ALK: variants seen among roughly 807,000 people sequenced by gnomAD.
The protein encoded by ALK is ALK tyrosine kinase receptor.
ALK carries 74 observed loss-of-function variants against 163.1 expected under a neutral mutation model. That is an observed-to-expected ratio of 0.45 (90% CI 0.38 to 0.55). The LOEUF (loss-of-function observed/expected upper bound fraction) is 0.55, where lower values mean the gene tolerates loss of function less well. Among genes scored for constraint, ALK ranks in the 20% least tolerant of loss-of-function variants. ALK has a pLI of 0.00. For missense variants in ALK, 2,063 were observed against 2,105.3 expected (o/e 0.98, Z 0.39); for synonymous variants, 960 against 843.2 (o/e 1.14, Z -2.40).
At chr2:29,385,816 GA>G (rs1157105197) in intron 4 of ALK, among the ~76,000 whole-genome samples, 1 of 152,196 alleles carries the variant, frequency 6.6e-6, no homozygotes, top group Non-Finnish European at 1.5e-5. Flanking sequence ...TCATTTTAAT[GA>G]TTGCATTTTT....
chr2:29,342,628 C>G (rs1291633536), intron 5 of ALK, among the ~76,000 whole-genome samples: 1 of 152,178 alleles, frequency 6.6e-6, no homozygotes, highest in South Asian at 2.1e-4. Context: ...ACTGATTATC[C>G]TGGCCTTGAA....
At chr2:29,249,841 C>G (rs532777518) in intron 12 of ALK, among the ~76,000 whole-genome samples, 2 of 152,136 alleles carry the variant, frequency 1.3e-5, no homozygotes, top group Non-Finnish European at 2.9e-5. Flanking sequence ...CGGTGTCTTC[C>G]GGGATATTTA....
intron 2 of ALK, among the ~76,000 whole-genome samples, chr2:29,703,370 C>G (rs1422797284): frequency 1.3e-5 from 2 of 152,090 alleles, no homozygotes; most frequent in Non-Finnish European, 2.9e-5. Context: ...CATCAAGTGA[C>G]CTTAATATTG....
chr2:29,221,539 G>A (rs1407661118), intron 22 of ALK, among the ~76,000 whole-genome samples: 1 of 152,150 alleles, frequency 6.6e-6, no homozygotes, highest in South Asian at 2.1e-4. Flanking sequence ...AGTGATATGG[G>A]TCTTCTTCAA....
intron 1 of ALK, among the ~76,000 whole-genome samples, chr2:29,875,602 G>A (rs376934147): frequency 6.6e-6 from 1 of 151,926 alleles, no homozygotes; most frequent in Non-Finnish European, 1.5e-5. Flanking sequence ...CCCCCGACAG[G>A]CCCCGGCGTG....
chr2:29,272,190 G>GAA (rs1665409706), intron 11 of ALK, among the ~76,000 whole-genome samples: 1 of 149,438 alleles, frequency 6.7e-6, no homozygotes, highest in African/African-American at 2.5e-5. Context: ...GTGAGGGAGA[G>GAA]AGAGAGAGAG....
chr2:29,365,454 G>A (rs1338795298), intron 5 of ALK, among the ~76,000 whole-genome samples: 1 of 152,184 alleles, frequency 6.6e-6, no homozygotes, highest in Non-Finnish European at 1.5e-5. Context: ...GGCTGGGCAG[G>A]CAGGTTGGGG....
At chr2:29,468,695 G>GA (rs1246055753) in intron 4 of ALK, among the ~76,000 whole-genome samples, 1 of 147,790 alleles carries the variant, frequency 6.8e-6, no homozygotes, top group Non-Finnish European at 1.5e-5. Flanking sequence ...CAAAAAATTT[G>GA]AAAAAAAATG....
intron 23 of ALK, 56 bp downstream of exon 23, chr2:29,220,650 C>A: frequency 8.7e-6 from 14 of 1,610,986 alleles, no homozygotes; most frequent in Non-Finnish European, 1.2e-5. Flanking sequence ...TTGCTCCTTC[C>A]ATCCTTGCTC....
At position 29,408,721 on chromosome 2, in the gene ALK, T is replaced by G. The variant is rs1464266891; in HGVS notation, c.1155-24862A>C. Among the ~76,000 whole-genome samples, 4 of 152,186 alleles carry G rather than the reference T, an allele frequency of 2.6e-5. No individual in the cohort carries two copies. The East Asian group carries it at 5.8e-4, about 22-fold the overall frequency. On this transcript the variant is annotated intron_variant, in intron 4 of 28. Coordinates refer to ENST00000389048, the MANE Select transcript of ALK (RefSeq NM_004304.5). ...TCTCTGGACTTATTCTTTACATTTTTAGAAAAGTGGGGAATGGGCAGATGA... is the reference window on the plus strand; with the variant it reads ...TCTCTGGACTTATTCTTTACATTTTGAGAAAAGTGGGGAATGGGCAGATGA...
chr2:29,811,028 T>G (rs1192005745), intron 1 of ALK, among the ~76,000 whole-genome samples: 1 of 152,070 alleles, frequency 6.6e-6, no homozygotes. Context: ...TCTAGAACTG[T>G]GAAATCATAA....
chr2:29,676,739 A>G (rs1339949540), intron 3 of ALK, among the ~76,000 whole-genome samples: 1 of 152,084 alleles, frequency 6.6e-6, no homozygotes, highest in African/African-American at 2.4e-5. Flanking sequence ...GAGAAATACC[A>G]TCTTGAAGCT....
intron 1 of ALK, among the ~76,000 whole-genome samples, chr2:29,790,631 T>G (rs531152414): frequency 3.9e-5 from 6 of 152,306 alleles, no homozygotes; most frequent in Admixed American, 3.9e-4. Flanking sequence ...TCACCCAGGC[T>G]GGAATGCAAT....
At chr2:29,816,547 C>T (rs1004030687) in intron 1 of ALK, among the ~76,000 whole-genome samples, 2 of 152,074 alleles carry the variant, frequency 1.3e-5, no homozygotes, top group Admixed American at 6.5e-5. Context: ...ACTAATTATA[C>T]GCTAATAAAA....
intron 4 of ALK, among the ~76,000 whole-genome samples, chr2:29,500,545 TAC>T (rs571399283): frequency 6.6e-6 from 1 of 152,200 alleles, no homozygotes; most frequent in Non-Finnish European, 1.5e-5. Flanking sequence ...CTTTTTCTTC[TAC>T]CTGGTCTAGC....
intron 3 of ALK, among the ~76,000 whole-genome samples, chr2:29,551,220 C>T (rs1032110838): frequency 3.7e-4 from 56 of 151,944 alleles, no homozygotes; most frequent in African/African-American, 1.1e-3. Context: ...GCATTATTTA[C>T]GGGAGTAAAT....
intron 1 of ALK, among the ~76,000 whole-genome samples, chr2:29,827,158 C>T (rs940298047): frequency 6.6e-6 from 1 of 152,198 alleles, no homozygotes; most frequent in Non-Finnish European, 1.5e-5. Context: ...GGTCTCAGAA[C>T]AGCACGCAGA....
chr2:29,436,663 C>G (rs1670407376), intron 4 of ALK, among the ~76,000 whole-genome samples: 1 of 152,190 alleles, frequency 6.6e-6, no homozygotes, highest in South Asian at 2.1e-4. Context: ...CAGCTGATAA[C>G]TCTCTCTTAG....
chr2:29,278,600 C>A (rs1317876244), intron 9 of ALK, among the ~76,000 whole-genome samples: 1 of 152,220 alleles, frequency 6.6e-6, no homozygotes, highest in East Asian at 1.9e-4. Flanking sequence ...CTCTGTAACC[C>A]TGGACAAAGC....
Sources: allele counts gnomAD v4.1 joint callset (sites outside exome capture counted in the v4.1 genomes callset), GRCh38; gene constraint gnomAD v4.1.1; transcripts MANE v1.5; gene names NCBI Gene and HGNC (gene_info 2026-07-23, HGNC 2026-07-21).